The following ADGB variants were observed in gnomAD, a reference collection of about 807,000 sequenced individuals.
The protein encoded by ADGB is calpain-7-like protein.
A neutral mutation model predicts 210.5 loss-of-function variants in ADGB; 172 were observed. That is an observed-to-expected ratio of 0.82 (90% confidence interval 0.72 to 0.93). The LOEUF (loss-of-function observed/expected upper bound fraction) is 0.93. Among genes scored for constraint, ADGB ranks in the 40% least tolerant of loss-of-function variants. ADGB has a pLI of 0.00. For missense variants in ADGB, 2,025 were observed against 1,964.8 expected (o/e 1.03, Z -0.58); for synonymous variants, 658 against 662.7 (o/e 0.99, Z 0.11).
chr6:146,811,698 C>G (rs534869384), intron 35 of ADGB, among the ~76,000 whole-genome samples: 5 of 151,980 alleles, frequency 3.3e-5, no homozygotes, highest in South Asian at 4.1e-4. Flanking sequence ...TTGAGATGGA[C>G]TCTCCCTCTG....
chr6:146,733,302 G>A, intron 21 of ADGB, 47 bp downstream of exon 21: 1 of 1,421,250 alleles, frequency 7.0e-7, no homozygotes, highest in Non-Finnish European at 9.4e-7. Flanking sequence ...CTAGTTTTAA[G>A]TAAGGTAAAT....
intron 12 of ADGB, among the ~76,000 whole-genome samples, chr6:146,696,331 C>T (rs1776402882): frequency 6.7e-6 from 1 of 149,362 alleles, no homozygotes. Context: ...CCACCTTGGC[C>T]TCCCAAAGTG....
chr6:146,775,393 A>G (rs1365707119), intron 29 of ADGB, among the ~76,000 whole-genome samples: 3 of 152,186 alleles, frequency 2.0e-5, no homozygotes, highest in Admixed American at 2.0e-4. Flanking sequence ...ATGAGGCAAC[A>G]GTGCCACCTT....
At chr6:146,690,642 C>T (rs2114921021) in intron 10 of ADGB, among the ~76,000 whole-genome samples, 1 of 152,252 alleles carries the variant, frequency 6.6e-6, no homozygotes, top group East Asian at 1.9e-4. Flanking sequence ...TGTGGAGGAA[C>T]ACATTGTTAG....
intron 13 of ADGB, among the ~76,000 whole-genome samples, chr6:146,708,392 A>G (rs752773012): frequency 6.6e-6 from 1 of 152,106 alleles, no homozygotes; most frequent in Non-Finnish European, 1.5e-5. Context: ...AGTATTTCTC[A>G]TAAAACAGAT....
chr6:146,757,509 G>C lies in ADGB; in HGVS notation c.3550+4795G>C, dbSNP rs559546561. Among the ~76,000 whole-genome samples the C allele has an allele frequency of 1.1e-4, 17 of 151,738 alleles. 1 individual carries two copies. Among genetic ancestry groups the C allele is most frequent in the Middle Eastern group, 3.4e-3 (1 of 294 alleles). ...TTATATGATATCCATTTGTAGAAAA[G>C]TCTTTTGTTCCTGTCATTCTTTTAA... On this transcript the variant is annotated intron_variant, in intron 27 of 35. Transcript: ENST00000397944.
At chr6:146,750,018 A>G (rs1017862887) in intron 26 of ADGB, among the ~76,000 whole-genome samples, 1 of 152,086 alleles carries the variant, frequency 6.6e-6, no homozygotes, top group Non-Finnish European at 1.5e-5. Context: ...GAGCCAAACC[A>G]TATCACCGGT....
intron 22 of ADGB, among the ~76,000 whole-genome samples, chr6:146,735,585 T>G (rs2114590774): frequency 6.6e-6 from 1 of 152,352 alleles, no homozygotes; most frequent in East Asian, 1.9e-4. Flanking sequence ...GAATTAAGTT[T>G]CTAACACATA....
At chr6:146,747,686 AAG>A in intron 26 of ADGB, among the ~76,000 whole-genome samples, 1 of 152,056 alleles carries the variant, frequency 6.6e-6, no homozygotes, top group Non-Finnish European at 1.5e-5. Flanking sequence ...AAAGGATTTT[AAG>A]AAACATTATC....
chr6:146,782,750 A>C (rs1466988235), intron 30 of ADGB, among the ~76,000 whole-genome samples: 1 of 152,152 alleles, frequency 6.6e-6, no homozygotes, highest in Non-Finnish European at 1.5e-5. Context: ...TACAGTCCAG[A>C]GGTTATGAGT....
At chr6:146,749,686 T>G (rs1366476916) in intron 26 of ADGB, among the ~76,000 whole-genome samples, 1 of 152,016 alleles carries the variant, frequency 6.6e-6, no homozygotes, top group Non-Finnish European at 1.5e-5. Context: ...ACTCAGTAAT[T>G]TATGGAGAAA....
In ADGB at chr6:146,599,119, G is replaced by C; in HGVS notation, c.74+5G>C. 6.4e-7 allele frequency: 1 copy of C among 1,551,318 alleles called. No homozygotes were observed. The highest frequency in any genetic ancestry group is 8.7e-7 in the Non-Finnish European group (1 of 1,146,602). On this transcript the variant is annotated splice_donor_5th_base_variant and intron_variant, in intron 1 of 35. Coordinates refer to ENST00000397944, the MANE Select transcript of ADGB (RefSeq NM_024694.4). ...CGGATCGGATAAATCGAAAGAGTAA[G>C]GGACCTCTGCCTGTCCGTCCCTCCC...
Position 146,733,107 on chromosome 6 carries a change from T to G in ADGB, c.2521-13T>G. 2 of 1,486,458 alleles carry G rather than the reference T, an allele frequency of 1.3e-6. No homozygotes were observed. The highest frequency in any genetic ancestry group is 1.4e-5 in the South Asian group (1 of 73,018). The allele number at this position is 1,486,458 out of a possible 1,614,324, so 92.1% of individuals were successfully genotyped here. On this transcript the variant is annotated splice_polypyrimidine_tract_variant and intron_variant, in intron 20 of 35. Transcript: ENST00000397944. ...GGTATTTTCTTGCTATAAAAAAAAT[T>G]TATGTGTTTCAGGTTTTTCATCTTT... is the stretch of plus-strand genomic sequence containing the variant.
chr6:146,733,111 G>A lies in ADGB; in HGVS notation c.2521-9G>A. On this transcript the variant is annotated splice_polypyrimidine_tract_variant and intron_variant, in intron 20 of 35. Transcript: ENST00000397944. ...TTTTCTTGCTATAAAAAAAATTTAT[G>A]TGTTTCAGGTTTTTCATCTTTCCTT... 1.3e-6 allele frequency: 2 copies of A among 1,486,080 alleles called. No individual in the cohort carries two copies. Among genetic ancestry groups the A allele is most frequent in the South Asian group, 2.7e-5 (2 of 72,902 alleles). The allele number at this position is 1,486,080 out of a possible 1,614,324, so 92.1% of individuals were successfully genotyped here.
chr6:146,757,247 G>C (rs1777420971), intron 27 of ADGB, among the ~76,000 whole-genome samples: 1 of 151,658 alleles, frequency 6.6e-6, no homozygotes, highest in African/African-American at 2.4e-5. Context: ...AATGATATTT[G>C]CTATTTTAGA....
intron 20 of ADGB, among the ~76,000 whole-genome samples, chr6:146,731,414 G>A (rs1039257934): frequency 2.0e-5 from 3 of 150,104 alleles, no homozygotes; most frequent in Non-Finnish European, 3.0e-5. Flanking sequence ...GCCGCAATCC[G>A]TATTCAACAC....
chr6:146,784,918 A>G (rs1324546661), intron 31 of ADGB, 124 bp downstream of exon 31: 2 of 993,510 alleles, frequency 2.0e-6, no homozygotes, highest in Non-Finnish European at 2.9e-6. Flanking sequence ...AAATTTTATC[A>G]GACAGGCATT....
chr6:146,677,508 T>G (rs1776101339), intron 9 of ADGB, among the ~76,000 whole-genome samples: 1 of 152,206 alleles, frequency 6.6e-6, no homozygotes, highest in Admixed American at 6.5e-5. Context: ...ACTATTGTAT[T>G]TTTAATTCTA....
intron 23 of ADGB, among the ~76,000 whole-genome samples, chr6:146,737,956 A>C (rs1777104582): frequency 6.6e-6 from 1 of 152,068 alleles, no homozygotes. Flanking sequence ...TGGACAGATA[A>C]AACCAAAAAG....
Sources: allele counts gnomAD v4.1 joint callset (sites outside exome capture counted in the v4.1 genomes callset), GRCh38; gene constraint gnomAD v4.1.1; transcripts MANE v1.5; gene names NCBI Gene and HGNC (gene_info 2026-07-23, HGNC 2026-07-21).